The following RABGAP1L variants were observed in gnomAD, a reference collection of about 807,000 sequenced individuals.
RABGAP1L encodes the protein rab GTPase-activating protein 1-like.
A neutral mutation model predicts 137.7 loss-of-function variants in RABGAP1L; 63 were observed. The ratio of observed to expected loss-of-function variants is 0.46; its 90% confidence interval spans 0.37 to 0.56. RABGAP1L has a LOEUF of 0.56. RABGAP1L is among the 20% of genes least tolerant of loss of function. The pLI is 0.00. For synonymous variants in RABGAP1L, 431 were observed against 433.7 expected (o/e 0.99, Z 0.08); for missense variants, 1,095 against 1,244.0 (o/e 0.88, Z 1.80).
chr1:174,190,316 AAAAG>A (rs58387748), intron 1 of RABGAP1L, among the ~76,000 whole-genome samples: 199 of 150,866 alleles, frequency 1.3e-3, no homozygotes, highest in Non-Finnish European at 2.1e-3. Context: ...AAAAAAAAAA[AAAAG>A]AAAGAAAGAA....
At chr1:174,770,837 C>G in intron 18 of RABGAP1L, among the ~76,000 whole-genome samples, 1 of 152,186 alleles carries the variant, frequency 6.6e-6, no homozygotes, top group East Asian at 1.9e-4. Context: ...TTAGTTAGTT[C>G]ACTTATTCAA....
rs769494742 is a variant in RABGAP1L, at chr1:174,221,125, A to G, written c.292A>G (p.Lys98Glu). The G allele has an allele frequency of 3.7e-6, 6 of 1,612,998 alleles. No individual in the cohort carries two copies. The highest frequency in any genetic ancestry group is 5.1e-6 in the Non-Finnish European group (6 of 1,179,322). The change falls in exon 3 of 26, where the codon AAG becomes GAG. Residue 98 changes from lysine (K) to glutamate (E), a missense_variant. Around this residue, in one of 4 missense-constraint regions of RABGAP1L, gnomAD observed 356 missense variants for 326.3 expected, o/e 1.09. Coordinates refer to ENST00000681986, the MANE Select transcript of RABGAP1L (RefSeq NM_001366446.1). ...AGATATTCCAGCCAGCCAAACAAAT[A>G]AGCCATCTCTTCAGTTAATTTTGGA... ...FGDIPASQTN[K>E]PSLQLILDPS...
intron 18 of RABGAP1L, chr1:174,800,121 T>C (rs1056127127): frequency 6.9e-5 from 95 of 1,374,046 alleles, no homozygotes; most frequent in Admixed American, 9.9e-5. Context: ...GTACTTGATT[T>C]CATTTTCATT....
chr1:174,349,237 TC>T (rs1682793470), intron 11 of RABGAP1L, among the ~76,000 whole-genome samples: 1 of 27,314 alleles, frequency 3.7e-5, no homozygotes, highest in African/African-American at 1.8e-4. Flanking sequence ...GGCTGACCCC[TC>T]CCACCTCCCT....
At chr1:174,854,119 C>T (rs1274471781) in intron 19 of RABGAP1L, among the ~76,000 whole-genome samples, 1 of 152,122 alleles carries the variant, frequency 6.6e-6, no homozygotes, top group Non-Finnish European at 1.5e-5. Flanking sequence ...CTGTAGTTTG[C>T]CTTAACTAAT....
chr1:174,548,323 T>C (rs1355546597), intron 13 of RABGAP1L: 1 of 1,197,242 alleles, frequency 8.4e-7, no homozygotes, highest in African/African-American at 1.5e-5. Context: ...ATTTGTAAAA[T>C]GATAGTTTTT....
chr1:174,806,097 G>A (rs1337315468), intron 18 of RABGAP1L, among the ~76,000 whole-genome samples: 1 of 152,200 alleles, frequency 6.6e-6, no homozygotes, highest in Non-Finnish European at 1.5e-5. Flanking sequence ...ATGTATAATT[G>A]TAAACCAGAA....
intron 11 of RABGAP1L, among the ~76,000 whole-genome samples, chr1:174,321,679 G>A (rs775995107): frequency 1.4e-4 from 22 of 152,100 alleles, no homozygotes; most frequent in Non-Finnish European, 2.6e-4. Flanking sequence ...GAATAGGTTC[G>A]CTGGGTTGAA....
At chr1:174,665,136 A>T (rs1676687335) in intron 14 of RABGAP1L, among the ~76,000 whole-genome samples, 1 of 152,158 alleles carries the variant, frequency 6.6e-6, no homozygotes, top group African/African-American at 2.4e-5. Context: ...TTTTATAGTT[A>T]GGTTTTATAG....
intron 13 of RABGAP1L, among the ~76,000 whole-genome samples, chr1:174,399,815 A>G (rs1249722638): frequency 1.3e-5 from 2 of 152,114 alleles, no homozygotes; most frequent in African/African-American, 4.8e-5. Flanking sequence ...GTGGGAACTC[A>G]TTATCACGAG....
intron 18 of RABGAP1L, among the ~76,000 whole-genome samples, chr1:174,757,660 A>T (rs1684873014): frequency 6.6e-6 from 1 of 151,750 alleles, no homozygotes; most frequent in Admixed American, 6.6e-5. Flanking sequence ...AGCTTTGAAG[A>T]CTCCAGTATT....
At chr1:174,481,361 A>T (rs1365428768) in intron 13 of RABGAP1L, among the ~76,000 whole-genome samples, 1 of 152,174 alleles carries the variant, frequency 6.6e-6, no homozygotes, top group East Asian at 1.9e-4. Context: ...AGTGCTTCTC[A>T]TGCTACCTCA....
chr1:174,317,640 C>T (rs947125425), intron 11 of RABGAP1L, among the ~76,000 whole-genome samples: 8 of 152,114 alleles, frequency 5.3e-5, no homozygotes, highest in Admixed American at 3.9e-4. Context: ...CCCCTGGCTG[C>T]CCCAGCTGAT....
At chr1:174,601,881 G>GT (rs1009857720) in intron 13 of RABGAP1L, among the ~76,000 whole-genome samples, 3 of 152,082 alleles carry the variant, frequency 2.0e-5, no homozygotes, top group Admixed American at 1.3e-4. Context: ...AATGCCACCA[G>GT]TTTTTTTGCT....
At chr1:174,535,470 T>A (rs1171052064) in intron 13 of RABGAP1L, among the ~76,000 whole-genome samples, 6 of 152,160 alleles carry the variant, frequency 3.9e-5, no homozygotes, top group African/African-American at 1.4e-4. Flanking sequence ...GGGAAGTCTA[T>A]TTTCAGCCTG....
At chr1:174,384,786 C>G (rs1382961900) in intron 12 of RABGAP1L, among the ~76,000 whole-genome samples, 1 of 152,164 alleles carries the variant, frequency 6.6e-6, no homozygotes, top group East Asian at 1.9e-4. Context: ...AGTAGGTGCT[C>G]AATTCATATT....
intron 13 of RABGAP1L, among the ~76,000 whole-genome samples, chr1:174,636,200 T>A (rs1557934346): frequency 6.6e-6 from 1 of 152,232 alleles, no homozygotes; most frequent in Non-Finnish European, 1.5e-5. Flanking sequence ...TTTTGGTTTC[T>A]AAATTTGTCT....
intron 21 of RABGAP1L, among the ~76,000 whole-genome samples, chr1:174,975,666 C>T (rs183702246): frequency 2.7e-4 from 40 of 150,372 alleles, no homozygotes; most frequent in African/African-American, 7.8e-4. Context: ...GTGTGAGGCT[C>T]TACCCCTTCA....
intron 11 of RABGAP1L, among the ~76,000 whole-genome samples, chr1:174,355,064 AG>A (rs920622687): frequency 1.3e-5 from 2 of 152,188 alleles, no homozygotes; most frequent in African/African-American, 4.8e-5. Flanking sequence ...GTGATTCCTC[AG>A]GGATCTAGAA....
Sources: allele counts gnomAD v4.1 joint callset (sites outside exome capture counted in the v4.1 genomes callset), GRCh38; gene constraint gnomAD v4.1.1; regional missense constraint gnomAD v4.1.1; transcripts MANE v1.5; gene names NCBI Gene and HGNC (gene_info 2026-07-23, HGNC 2026-07-21).